The following HRH1 variants were observed in gnomAD, a reference collection of about 807,000 sequenced individuals.
HRH1 encodes the protein histamine H1 receptor.
In HRH1, 6 loss-of-function variants were observed where a neutral mutation model predicts 10.3. That is an observed-to-expected ratio of 0.58 (90% confidence interval 0.32 to 1.15). HRH1 has a LOEUF of 1.15. HRH1 is among the 50% of genes most tolerant of loss of function. HRH1 has a pLI of 0.05. For synonymous variants in HRH1, 242 were observed against 236.7 expected (o/e 1.02, Z -0.21); for missense variants, 514 against 615.3 (o/e 0.84, Z 1.74).
chr3:11,259,378 C>CTT lies in HRH1; in HGVS notation c.341_342insTT (p.Ile115SerfsTer50). Reference sequence around the variant, plus strand: ...ATGGACTATGTGGCCAGCACAGCGTCCATTTTCAGTGTCTTCATCCTGTGC... The same window carrying CTT: ...ATGGACTATGTGGCCAGCACAGCGTCTTCATTTTCAGTGTCTTCATCCTGTGC... On this transcript the variant is annotated frameshift_variant, in exon 2 of 2. Coordinates refer to ENST00000431010, the MANE Select transcript of HRH1 (RefSeq NM_001098212.2). LOFTEE classifies it low-confidence loss of function (END_TRUNC). This position sits in a 1 kb window ranked among gnomAD's most constrained non-coding sequence, Gnocchi z 4.6. 6.2e-7 allele frequency: 1 copy of CTT among 1,613,946 alleles called. No homozygotes were observed. Among genetic ancestry groups the CTT allele is most frequent in the Non-Finnish European group, 8.5e-7 (1 of 1,180,008 alleles).
Position 11,262,297 on chromosome 3 carries a change from C to T in HRH1, c.*1796C>T, listed in dbSNP as rs974027322. 6.0e-6 allele frequency: 1 copy of T among 167,030 alleles called. No individual in the cohort carries two copies. Among genetic ancestry groups the T allele is most frequent in the African/African-American group, 2.4e-5 (1 of 41,448 alleles). The allele number at this position is 167,030 out of a possible 1,614,324, so 10.3% of individuals were successfully genotyped here. A position where few individuals can be genotyped will look rare whatever the true frequency, so the allele number is the denominator to read the frequency against. On this transcript the variant is annotated 3_prime_UTR_variant, in exon 2 of 2. Transcript: ENST00000431010. Reference sequence around the variant, plus strand: ...AAAATATGATGTTTAAAAGCATACTCTATGTGATTTATTTATTTCTACCTT... The same window carrying T: ...AAAATATGATGTTTAAAAGCATACTTTATGTGATTTATTTATTTCTACCTT...
intron 1 of HRH1, among the ~76,000 whole-genome samples, chr3:11,202,609 T>C (rs1451406493): frequency 6.6e-6 from 1 of 152,072 alleles, no homozygotes; most frequent in Non-Finnish European, 1.5e-5. Flanking sequence ...GACTTTATTT[T>C]TCTTCAAGCA....
intron 1 of HRH1, among the ~76,000 whole-genome samples, chr3:11,182,386 G>A (rs866381693): frequency 2.0e-5 from 3 of 152,198 alleles, no homozygotes; most frequent in African/African-American, 7.2e-5. Context: ...TACAAAGTAC[G>A]TAATGGGCCT....
chr3:11,212,095 G>A (rs934841309), intron 1 of HRH1, among the ~76,000 whole-genome samples: 8 of 152,052 alleles, frequency 5.3e-5, no homozygotes, highest in South Asian at 2.1e-4. Flanking sequence ...CAGGGCACAC[G>A]CTTGCTGTCC....
chr3:11,253,209 G>A (rs565967719), intron 1 of HRH1: 2 of 152,056 alleles, frequency 1.3e-5, no homozygotes, highest in East Asian at 1.9e-4. Flanking sequence ...CTTCTGACTC[G>A]ATTAAAAAGG....
intron 1 of HRH1, among the ~76,000 whole-genome samples, chr3:11,223,099 C>T (rs994896592): frequency 4.3e-5 from 6 of 140,856 alleles, no homozygotes; most frequent in Non-Finnish European, 9.1e-5. Flanking sequence ...GCAGGAGAAT[C>T]GCTTGAATCC....
chr3:11,224,061 C>A (rs1938800251), intron 1 of HRH1, among the ~76,000 whole-genome samples: 1 of 152,158 alleles, frequency 6.6e-6, no homozygotes, highest in African/African-American at 2.4e-5. Flanking sequence ...GCCATCTCTC[C>A]TGTGCATGCA....
chr3:11,257,681 T>G lies in HRH1; in HGVS notation c.-35-1322T>G, dbSNP rs1246810145. Among the ~76,000 whole-genome samples, 4 of 152,176 alleles carry G rather than the reference T, an allele frequency of 2.6e-5. No homozygotes were observed. The East Asian group carries it at 7.7e-4, about 29-fold the overall frequency. On this transcript the variant is annotated intron_variant, in intron 1 of 1. Coordinates refer to ENST00000431010, the MANE Select transcript of HRH1 (RefSeq NM_001098212.2). ...CAGTCCGTTTTCAGTAGAGCCTTAGTAGCAAAGGGTTTTCATTTTTATTTT... is the reference window on the plus strand; with the variant it reads ...CAGTCCGTTTTCAGTAGAGCCTTAGGAGCAAAGGGTTTTCATTTTTATTTT...
intron 1 of HRH1, among the ~76,000 whole-genome samples, chr3:11,251,274 C>CGGCT (rs1279431385): frequency 1.3e-5 from 2 of 152,078 alleles, no homozygotes; most frequent in Non-Finnish European, 2.9e-5. Flanking sequence ...TCTCTTCTGG[C>CGGCT]GGCTGTAAGT....
At chr3:11,250,207 AATTTTT>A in intron 1 of HRH1, among the ~76,000 whole-genome samples, 2 of 103,792 alleles carry the variant, frequency 1.9e-5, no homozygotes, top group East Asian at 3.2e-4. Flanking sequence ...ACACCCGGCT[AATTTTT>A]TTTTTTTTTT....
At chr3:11,230,461 T>C (rs1939009797) in intron 1 of HRH1, among the ~76,000 whole-genome samples, 1 of 152,152 alleles carries the variant, frequency 6.6e-6, no homozygotes, top group Non-Finnish European at 1.5e-5. Flanking sequence ...TGGATCCCAG[T>C]GTACGATATA....
At chr3:11,234,263 C>T (rs1939115719) in intron 1 of HRH1, 1 of 1,552,424 alleles carries the variant, frequency 6.4e-7, no homozygotes. Flanking sequence ...TTAACTTGAC[C>T]CCACCTCTTC....
chr3:11,148,861 A>G (rs887907254), intron 1 of HRH1, among the ~76,000 whole-genome samples: 2 of 135,614 alleles, frequency 1.5e-5, no homozygotes, highest in Non-Finnish European at 3.0e-5. Flanking sequence ...ATGGGATCAC[A>G]GTCTTGTCAC....
rs141705311 is a variant in HRH1, at chr3:11,243,832, C to A, written c.-35-15171C>A. Among the ~76,000 whole-genome samples, 174 of 152,332 alleles carry A rather than the reference C, an allele frequency of 1.1e-3. 1 individual carries two copies. Among genetic ancestry groups the A allele is most frequent in the African/African-American group, 3.9e-3 (164 of 41,576 alleles). On this transcript the variant is annotated intron_variant, in intron 1 of 1. Transcript: ENST00000431010. The stretch of plus-strand genomic sequence containing the variant: ...AGAGGCAGTTCTTCCCTCTGCTGTC[C>A]AGCTACCTGCCTTGATCTTATACCA...
chr3:11,218,145 G>C (rs1416516468), intron 1 of HRH1, among the ~76,000 whole-genome samples: 6 of 152,166 alleles, frequency 3.9e-5, no homozygotes, highest in Admixed American at 3.9e-4. Context: ...ATGTACATTT[G>C]AGTAAGAAAA....
intron 1 of HRH1, among the ~76,000 whole-genome samples, chr3:11,173,630 A>G (rs538947183): frequency 1.3e-5 from 2 of 151,894 alleles, no homozygotes; most frequent in East Asian, 1.9e-4. Flanking sequence ...TTAAATATAT[A>G]TAAATTAGTT....
At chr3:11,217,310 A>G (rs1314221730) in intron 1 of HRH1, among the ~76,000 whole-genome samples, 1 of 151,956 alleles carries the variant, frequency 6.6e-6, no homozygotes, top group Non-Finnish European at 1.5e-5. Context: ...CAGGCGGATC[A>G]CCTGAGGTCA....
chr3:11,206,409 C>T (rs981408785), intron 1 of HRH1, among the ~76,000 whole-genome samples: 41 of 152,264 alleles, frequency 2.7e-4, no homozygotes, highest in African/African-American at 8.9e-4. Context: ...TGAGCCACCA[C>T]GCCAAGCGTG....
intron 1 of HRH1, among the ~76,000 whole-genome samples, chr3:11,183,909 G>T (rs1191317094): frequency 1.4e-5 from 2 of 144,296 alleles, no homozygotes; most frequent in Non-Finnish European, 3.0e-5. Flanking sequence ...TCCCATGGCA[G>T]GTCCTTGCTG....
Sources: gnomAD v4.1 joint callset for allele counts (sites outside exome capture counted in the v4.1 genomes callset) on GRCh38, gnomAD v4.1.1 for gene constraint, Gnocchi (gnomAD v3.1) non-coding constraint, MANE v1.5 for transcripts, NCBI Gene and HGNC (gene_info 2026-07-23, HGNC 2026-07-21) for gene names.